Variants in ARHGAP15 observed in about 807,000 individuals in gnomAD.
The protein encoded by ARHGAP15 is rho GTPase-activating protein 15.
ARHGAP15 carries 51 observed loss-of-function variants against 63.7 expected under a neutral mutation model. The observed-to-expected ratio is 0.80, with a 90% CI of 0.64 to 1.01. ARHGAP15 has a LOEUF of 1.01. Among genes scored for constraint, ARHGAP15 ranks in the 50% least tolerant of loss-of-function variants. The pLI is 0.00. For missense variants in ARHGAP15, 560 were observed against 564.6 expected, an observed-to-expected ratio of 0.99 and a Z score of 0.08; for synonymous variants, 191 against 193.8, an observed-to-expected ratio of 0.99 and a Z score of 0.12.
chr2:143,547,786 A>G (rs373157559), intron 10 of ARHGAP15, among the ~76,000 whole-genome samples: 1 of 152,058 alleles, frequency 6.6e-6, no homozygotes, highest in East Asian at 1.9e-4. Context: ...GAGATGAAGA[A>G]ACTAGGAAAG....
At chr2:143,746,675 T>G (rs1282095614) in intron 13 of ARHGAP15, among the ~76,000 whole-genome samples, 4 of 152,194 alleles carry the variant, frequency 2.6e-5, no homozygotes, top group Non-Finnish European at 5.9e-5. Flanking sequence ...TGCAAAGAGT[T>G]TGCAATCTAA....
At chr2:143,214,111 C>A (rs574251114) in intron 3 of ARHGAP15, among the ~76,000 whole-genome samples, 1 of 152,064 alleles carries the variant, frequency 6.6e-6, no homozygotes, top group Non-Finnish European at 1.5e-5. Flanking sequence ...TTGTGGGTAG[C>A]AAATGTCTAC....
chr2:143,294,356 A>G (rs1682540168), intron 6 of ARHGAP15, among the ~76,000 whole-genome samples: 1 of 152,124 alleles, frequency 6.6e-6, no homozygotes, highest in African/African-American at 2.4e-5. Flanking sequence ...TTCTCTCCAA[A>G]CATACTAGTT....
At chr2:143,610,887 T>C (rs1420653998) in intron 11 of ARHGAP15, among the ~76,000 whole-genome samples, 3 of 151,908 alleles carry the variant, frequency 2.0e-5, no homozygotes, top group African/African-American at 7.3e-5. Context: ...CACCATCATG[T>C]CCGGCTAATT....
At chr2:143,394,569 A>G (rs1258864551) in intron 6 of ARHGAP15, among the ~76,000 whole-genome samples, 1 of 152,156 alleles carries the variant, frequency 6.6e-6, no homozygotes, top group Non-Finnish European at 1.5e-5. Context: ...CACATTCCAA[A>G]TGGCCACTTT....
intron 6 of ARHGAP15, among the ~76,000 whole-genome samples, chr2:143,297,736 T>C (rs529274686): frequency 3.9e-5 from 6 of 152,070 alleles, no homozygotes; most frequent in African/African-American, 1.2e-4. Flanking sequence ...TCTCAAACCA[T>C]GGAAACTAAG....
chr2:143,611,179 T>C (rs552360424), intron 11 of ARHGAP15, among the ~76,000 whole-genome samples: 14 of 152,340 alleles, frequency 9.2e-5, no homozygotes, highest in African/African-American at 3.4e-4. Flanking sequence ...TTGTTAGTTT[T>C]TTTAATGTAA....
At chr2:143,410,363 G>A (rs1335062209) in intron 6 of ARHGAP15, among the ~76,000 whole-genome samples, 1 of 152,042 alleles carries the variant, frequency 6.6e-6, no homozygotes, top group East Asian at 1.9e-4. Context: ...TAAAAAATGT[G>A]CTTAATATGC....
chr2:143,276,402 G>T (rs1681550945), intron 6 of ARHGAP15, among the ~76,000 whole-genome samples: 1 of 152,158 alleles, frequency 6.6e-6, no homozygotes, highest in Non-Finnish European at 1.5e-5. Context: ...AAGCTCTTAT[G>T]GCAAAATCAG....
At chr2:143,360,256 C>T (rs1009515608) in intron 6 of ARHGAP15, among the ~76,000 whole-genome samples, 31 of 151,266 alleles carry the variant, frequency 2.0e-4, no homozygotes, top group Admixed American at 1.8e-3. Context: ...TGGTGGTGCT[C>T]GGCTGTAGTC....
intron 6 of ARHGAP15, among the ~76,000 whole-genome samples, chr2:143,330,584 C>T (rs1684507002): frequency 6.6e-6 from 1 of 152,110 alleles, no homozygotes; most frequent in African/African-American, 2.4e-5. Context: ...GTGAATCAGG[C>T]CTTCAGAGTT....
intron 12 of ARHGAP15, among the ~76,000 whole-genome samples, chr2:143,646,481 G>T (rs957463025): frequency 6.6e-6 from 1 of 151,838 alleles, no homozygotes. Context: ...CACCAGGGTG[G>T]TCTGTGAGCC....
At chr2:143,434,997 T>C (rs1488365551) in intron 6 of ARHGAP15, among the ~76,000 whole-genome samples, 1 of 152,174 alleles carries the variant, frequency 6.6e-6, no homozygotes, top group Non-Finnish European at 1.5e-5. Flanking sequence ...GGTTCAAATA[T>C]GTAAATGAAC....
intron 11 of ARHGAP15, among the ~76,000 whole-genome samples, chr2:143,585,511 T>C (rs1465372048): frequency 6.6e-6 from 1 of 152,126 alleles, no homozygotes; most frequent in Non-Finnish European, 1.5e-5. Flanking sequence ...GATAAAAATA[T>C]GATTCTGCCA....
chr2:143,298,534 GTGTTGGTACT>G (rs1682752676), intron 6 of ARHGAP15, among the ~76,000 whole-genome samples: 1 of 151,976 alleles, frequency 6.6e-6, no homozygotes, highest in African/African-American at 2.4e-5. Context: ...TTTCTAGGAC[GTGTTGGTACT>G]TTTCAAACTT....
chr2:143,539,957 T>C (rs1694969029), intron 10 of ARHGAP15, among the ~76,000 whole-genome samples: 1 of 152,118 alleles, frequency 6.6e-6, no homozygotes, highest in African/African-American at 2.4e-5. Flanking sequence ...GTCTCGTTGA[T>C]CTGTCTAATG....
At chr2:143,452,520 T>C (rs533021951) in intron 8 of ARHGAP15, among the ~76,000 whole-genome samples, 1 of 152,088 alleles carries the variant, frequency 6.6e-6, no homozygotes, top group East Asian at 1.9e-4. Flanking sequence ...TCCCAGGATT[T>C]CCTATTTGTT....
At chr2:143,396,205 G>A (rs965230503) in intron 6 of ARHGAP15, among the ~76,000 whole-genome samples, 13 of 151,968 alleles carry the variant, frequency 8.6e-5, no homozygotes, top group Admixed American at 7.2e-4. Flanking sequence ...TTTTTTCTGA[G>A]TCTATTTTAT....
intron 8 of ARHGAP15, among the ~76,000 whole-genome samples, chr2:143,481,878 C>A (rs1692093928): frequency 6.6e-6 from 1 of 152,114 alleles, no homozygotes; most frequent in South Asian, 2.1e-4. Context: ...CTGGTGAGAG[C>A]AGTTTTAGCA....
Sources: gnomAD v4.1 joint callset for allele counts (sites outside exome capture counted in the v4.1 genomes callset) on GRCh38, gnomAD v4.1.1 for gene constraint, MANE v1.5 for transcripts, NCBI Gene and HGNC (gene_info 2026-07-23, HGNC 2026-07-21) for gene names.